TTC7B: variants seen among roughly 807,000 people sequenced by gnomAD.
The protein encoded by TTC7B is tetratricopeptide repeat protein 7B.
A neutral mutation model predicts 106.8 loss-of-function variants in TTC7B; 28 were observed. The observed-to-expected ratio is 0.26, with a 90% CI of 0.19 to 0.36. The LOEUF (loss-of-function observed/expected upper bound fraction) is 0.36, where lower values mean the gene tolerates loss of function less well. Among genes scored for constraint, TTC7B ranks in the 10% least tolerant of loss-of-function variants. The probability of loss-of-function intolerance (pLI) is 1.00; values close to 1 mark genes in which losing one functional copy is unlikely to be tolerated. For missense variants in TTC7B, 862 were observed against 1,076.4 expected (o/e 0.80, Z 2.79); for synonymous variants, 405 against 430.6 (o/e 0.94, Z 0.74).
At chr14:90,710,206 C>G (rs2983727) in intron 5 of TTC7B, among the ~76,000 whole-genome samples, 51,675 of 151,854 alleles carry the variant, frequency 0.34, 9,088 homozygotes, top group Middle Eastern at 0.39. Context: ...ACTTTGAGGG[C>G]TTCAAATCTT....
chr14:90,724,198 C>T (rs1889002399), intron 5 of TTC7B, among the ~76,000 whole-genome samples: 2 of 152,158 alleles, frequency 1.3e-5, no homozygotes, highest in African/African-American at 4.8e-5. Flanking sequence ...CTCCTGTTTG[C>T]TTCTATGGCA....
In TTC7B at chr14:90,710,190, T is replaced by A. The variant is rs1395688161; in HGVS notation, c.699-14612A>T. Among the ~76,000 whole-genome samples the A allele has an allele frequency of 4.6e-5, 7 of 152,244 alleles. No homozygotes were observed. The East Asian group carries it at 1.3e-3, about 29-fold the overall frequency. On this transcript the variant is annotated intron_variant, in intron 5 of 19. Coordinates refer to ENST00000328459, the MANE Select transcript of TTC7B (RefSeq NM_001010854.2). ...TGGAATAAATTGTTTCTAGCTCTCA[T>A]GAATGACTTTGAGGGCTTCAAATCT...
chr14:90,689,876 C>A (rs916219049), intron 6 of TTC7B, among the ~76,000 whole-genome samples, 164 bp from the exon 7 acceptor site: 4 of 152,022 alleles, frequency 2.6e-5, no homozygotes, highest in African/African-American at 9.7e-5. Flanking sequence ...CAGTTTATGA[C>A]AAGAAAGAAA....
chr14:90,607,354 A>G (rs1892685282), intron 17 of TTC7B, among the ~76,000 whole-genome samples: 1 of 152,116 alleles, frequency 6.6e-6, no homozygotes, highest in Non-Finnish European at 1.5e-5. Context: ...CACGGATGCT[A>G]ACACTGCAGG....
intron 13 of TTC7B, among the ~76,000 whole-genome samples, chr14:90,652,439 G>A (rs538542935): frequency 5.3e-5 from 8 of 150,810 alleles, no homozygotes; most frequent in African/African-American, 1.2e-4. Flanking sequence ...TCCTGAAATC[G>A]GCCTTCTCAT....
intron 5 of TTC7B, among the ~76,000 whole-genome samples, chr14:90,717,472 C>T (rs1008508923): frequency 6.6e-6 from 1 of 152,058 alleles, no homozygotes; most frequent in African/African-American, 2.4e-5. Context: ...GCAGACATTG[C>T]CATACAAATA....
intron 19 of TTC7B, 78 bp from the exon 20 acceptor site, chr14:90,541,667 T>C (rs1666113585): frequency 1.7e-6 from 2 of 1,178,562 alleles, no homozygotes; most frequent in Non-Finnish European, 2.3e-6. Context: ...TCCTCGAGTT[T>C]CCAGTCAGTT....
intron 5 of TTC7B, among the ~76,000 whole-genome samples, chr14:90,703,474 C>T (rs1377580832): frequency 6.6e-6 from 1 of 152,086 alleles, no homozygotes; most frequent in African/African-American, 2.4e-5. Context: ...AAGAGTGCAA[C>T]GTTCACTTCC....
chr14:90,703,012 G>T (rs1566845163), intron 5 of TTC7B, among the ~76,000 whole-genome samples: 1 of 152,138 alleles, frequency 6.6e-6, no homozygotes, highest in African/African-American at 2.4e-5. Flanking sequence ...TAAAAAATTT[G>T]AACTCAAAAG....
At chr14:90,652,785 C>T (rs2139893999) in intron 13 of TTC7B, 56 bp downstream of exon 13, 2 of 1,566,604 alleles carry the variant, frequency 1.3e-6, no homozygotes, top group Non-Finnish European at 1.8e-6. Flanking sequence ...TTTTTATACT[C>T]ATCATACTTT....
chr14:90,715,152 T>C lies in TTC7B; in HGVS notation c.698+14923A>G, dbSNP rs112426394. Among the ~76,000 whole-genome samples the C allele has an allele frequency of 6.0e-3, 913 of 152,346 alleles. 6 individuals carry two copies. The highest frequency in any genetic ancestry group is 0.021 in the African/African-American group (872 of 41,582). ...AGTTGATGGCTATTTTAGGGTCTCC[T>C]GTTCCCAGACCCATCCGATGCCCTG... On this transcript the variant is annotated intron_variant, in intron 5 of 19. Transcript: ENST00000328459.
intron 3 of TTC7B, among the ~76,000 whole-genome samples, chr14:90,755,851 G>A (rs1274057321): frequency 6.6e-6 from 1 of 152,236 alleles, no homozygotes; most frequent in African/African-American, 2.4e-5. Context: ...CTGACTGTTA[G>A]AAGGCTCGGC....
chr14:90,592,005 A>G (rs1012854395), intron 18 of TTC7B, among the ~76,000 whole-genome samples: 1 of 152,266 alleles, frequency 6.6e-6, no homozygotes, highest in Non-Finnish European at 1.5e-5. Context: ...TTAGAAGAAT[A>G]TAATTTGTTA....
Position 90,695,560 on chromosome 14 carries a change from G to C in TTC7B, c.717C>G (p.Val239=), listed in dbSNP as rs748257484. The part of the protein sequence containing the change: ...YFKNGNLTRG[V]GRFRELLRAV... ...CTCTGAGAAGCTCTCTAAATCTTCC[G>C]ACTCCTCTTGTCAAGTTCCTGTGTG... Residue 239 remains valine, a synonymous_variant, in exon 6 of 20, where the codon GTC becomes GTG. Coordinates refer to ENST00000328459, the MANE Select transcript of TTC7B (RefSeq NM_001010854.2). 6.3e-7 allele frequency: 1 copy of C among 1,596,202 alleles called. No individual in the cohort carries two copies. The highest frequency in any genetic ancestry group is 1.8e-5 in the Admixed American group (1 of 56,838).
intron 15 of TTC7B, among the ~76,000 whole-genome samples, chr14:90,626,153 GAT>G (rs1410219440): frequency 1.3e-5 from 2 of 152,156 alleles, no homozygotes; most frequent in African/African-American, 4.8e-5. Flanking sequence ...GCCATGGTCT[GAT>G]TTTAAAAAGA....
At chr14:90,791,671 C>T (rs2140046297) in intron 1 of TTC7B, among the ~76,000 whole-genome samples, 1 of 152,224 alleles carries the variant, frequency 6.6e-6, no homozygotes, top group East Asian at 1.9e-4. Flanking sequence ...GCTTGCCCGC[C>T]AGTCCCTGTT....
rs577061470 is a variant in TTC7B, at chr14:90,528,213, A to T, written c.*13155T>A. 1.3e-5 allele frequency: 2 copies of T among 152,252 alleles called. No homozygotes were observed. The highest frequency in any genetic ancestry group is 3.9e-4 in the East Asian group (2 of 5,142). 9.4% of individuals were successfully genotyped at this position (152,252 alleles called of 1,614,324 possible). A position where few individuals can be genotyped will look rare whatever the true frequency, so the allele number is the denominator to read the frequency against. On this transcript the variant is annotated 3_prime_UTR_variant, in exon 20 of 20. Transcript: ENST00000328459. ...CCCTGGCTGGCTAAACAGCAGCACC[A>T]GCTCCTCCTTCTGTCCAGCCGGACA... is the stretch of plus-strand genomic sequence containing the variant.
rs1889824052 is a variant in TTC7B at position 90,742,923 on chromosome 14, G to A, written c.576+1869C>T. On this transcript the variant is annotated intron_variant, in intron 4 of 19. Transcript: ENST00000328459. This position sits in a 1 kb window ranked among gnomAD's most constrained non-coding sequence, Gnocchi z 4.1. ...CAAAGTGACAGGGCTGGACAACAGT[G>A]GAGAGTAAGCAGCAAGATAGGGCCC... is the stretch of plus-strand genomic sequence containing the variant. Among the ~76,000 whole-genome samples the A allele has an allele frequency of 6.6e-6, 1 of 152,172 alleles. No individual in the cohort carries two copies. The highest frequency in any genetic ancestry group is 1.5e-5 in the Non-Finnish European group (1 of 68,034).
At chr14:90,549,590 T>C (rs975532204) in intron 19 of TTC7B, among the ~76,000 whole-genome samples, 1 of 152,164 alleles carries the variant, frequency 6.6e-6, no homozygotes, top group Non-Finnish European at 1.5e-5. Flanking sequence ...TGCTGGTGGC[T>C]TCTGCATGGA....
Sources: gnomAD v4.1 joint callset for allele counts (sites outside exome capture counted in the v4.1 genomes callset) on GRCh38, gnomAD v4.1.1 for gene constraint, Gnocchi (gnomAD v3.1) non-coding constraint, MANE v1.5 for transcripts, NCBI Gene and HGNC (gene_info 2026-07-23, HGNC 2026-07-21) for gene names.